SNRPD1: variants seen among roughly 807,000 people sequenced by gnomAD.
SNRPD1 encodes small nuclear ribonucleoprotein D1 polypeptide.
SNRPD1 carries 1 observed loss-of-function variant against 14.4 expected under a neutral mutation model. The ratio of observed to expected loss-of-function variants is 0.07; its 90% CI spans 0.02 to 0.33. SNRPD1 has a LOEUF of 0.33. Ranked by LOEUF, SNRPD1 falls within the 10% of genes least tolerant of loss-of-function variation. The pLI is 1.00. For synonymous variants in SNRPD1, 42 were observed against 50.3 expected (o/e 0.83, Z 0.70); for missense variants, 52 against 146.4 (o/e 0.36, Z 3.33).
At chr18:21,627,476 G>T (rs1268169845) in intron 3 of SNRPD1, among the ~76,000 whole-genome samples, 2 of 108,558 alleles carry the variant, frequency 1.8e-5, no homozygotes, top group Non-Finnish European at 3.4e-5. Context: ...GTCATGCTCT[G>T]TTGCCCAGGC....
At chr18:21,621,426 AGTCTTGCCCT>A (rs761501658) in intron 1 of SNRPD1, among the ~76,000 whole-genome samples, 77 of 152,162 alleles carry the variant, frequency 5.1e-4, no homozygotes, top group Admixed American at 2.5e-3. Context: ...TGTGAGATGG[AGTCTTGCCCT>A]GTCACTCAGG....
chr18:21,621,685 C>T (rs1347210649), intron 1 of SNRPD1, among the ~76,000 whole-genome samples: 1 of 152,128 alleles, frequency 6.6e-6, no homozygotes, highest in African/African-American at 2.4e-5. Flanking sequence ...TTAAGCGATT[C>T]TCCTGCCTCA....
In SNRPD1 at chr18:21,630,812, A is replaced by G. The variant is rs188521147; in HGVS notation, c.*1674A>G. On this transcript the variant is annotated 3_prime_UTR_variant, in exon 4 of 4. Coordinates refer to ENST00000300413, the MANE Select transcript of SNRPD1 (RefSeq NM_006938.4). ...TATGTATTTATATATATATGTATTT[A>G]TACTAATATATAAATATATACTAAT... 24 of 148,332 alleles carry G rather than the reference A, an allele frequency of 1.6e-4. No homozygotes were observed. The highest frequency in any genetic ancestry group is 1.3e-3 in the Admixed American group (19 of 14,780). The allele number at this position is 148,332 out of a possible 1,614,324, so 9.2% of individuals were successfully genotyped here. A position where few individuals can be genotyped will look rare whatever the true frequency, so the allele number is the denominator to read the frequency against.
chr18:21,614,638 T>G (rs2038944583), intron 1 of SNRPD1, among the ~76,000 whole-genome samples: 1 of 152,226 alleles, frequency 6.6e-6, no homozygotes, highest in Non-Finnish European at 1.5e-5. Flanking sequence ...TTTTCTCTCC[T>G]GATGTCCTTG....
chr18:21,617,460 A>C (rs1047468506), intron 1 of SNRPD1, among the ~76,000 whole-genome samples: 1 of 152,172 alleles, frequency 6.6e-6, no homozygotes, highest in Admixed American at 6.6e-5. Flanking sequence ...TTTAACTTGT[A>C]TATGTACTGC....
chr18:21,616,908 G>C (rs549737485), intron 1 of SNRPD1, among the ~76,000 whole-genome samples: 1 of 150,244 alleles, frequency 6.7e-6, no homozygotes, highest in African/African-American at 2.5e-5. Flanking sequence ...GGCTGGTCTC[G>C]ATCTCCTGAC....
chr18:21,614,391 G>T (rs943999854), intron 1 of SNRPD1, among the ~76,000 whole-genome samples: 2 of 152,150 alleles, frequency 1.3e-5, no homozygotes, highest in African/African-American at 4.8e-5. Context: ...GATACTGCAT[G>T]TTATGACAAT....
intron 1 of SNRPD1, among the ~76,000 whole-genome samples, chr18:21,615,880 A>G (rs78031680): frequency 0.024 from 3,676 of 152,272 alleles, 155 homozygotes; most frequent in African/African-American, 0.083. Flanking sequence ...TAGAATAACA[A>G]TTGGTCCACA....
chr18:21,615,554 A>G (rs570982573), intron 1 of SNRPD1, among the ~76,000 whole-genome samples: 183 of 151,944 alleles, frequency 1.2e-3, no homozygotes, highest in African/African-American at 4.1e-3. Context: ...GGAGGTGGAG[A>G]TTGCAGTGAG....
chr18:21,616,467 C>T (rs928754898), intron 1 of SNRPD1, among the ~76,000 whole-genome samples: 10 of 152,082 alleles, frequency 6.6e-5, no homozygotes, highest in African/African-American at 2.4e-4. Context: ...AAGCGATTCT[C>T]CTACCTCAGC....
Position 21,630,065 on chromosome 18 carries a change from G to C in SNRPD1, c.*927G>C, listed in dbSNP as rs1024716241. 1 of 152,024 alleles carries C rather than the reference G, an allele frequency of 6.6e-6. No homozygotes were observed. Among genetic ancestry groups the C allele is most frequent in the Non-Finnish European group, 1.5e-5 (1 of 68,012 alleles). 9.4% of individuals were successfully genotyped at this position (152,024 alleles called of 1,614,324 possible). A position where few individuals can be genotyped will look rare whatever the true frequency, so the allele number is the denominator to read the frequency against. Reference sequence around the variant, plus strand: ...TTTTGTTTCTTTTGCTTTTTAATCAGTTCTTAATAGGATATAGTTTTATGT... The same window carrying C: ...TTTTGTTTCTTTTGCTTTTTAATCACTTCTTAATAGGATATAGTTTTATGT... On this transcript the variant is annotated 3_prime_UTR_variant, in exon 4 of 4. Transcript: ENST00000300413.
At position 21,613,582 on chromosome 18, in the gene SNRPD1, C is replaced by T. The variant is rs377526366; in HGVS notation, c.14+1139C>T. ...TTCAACACTCAGGGAGGAGGCCAGG[C>T]GCAGTGGCTCACGTCTGTAATCCCA... On this transcript the variant is annotated intron_variant, in intron 1 of 3. Coordinates refer to ENST00000300413, the MANE Select transcript of SNRPD1 (RefSeq NM_006938.4). 1.3e-4 allele frequency among the ~76,000 whole-genome samples: 20 copies of T among 152,238 alleles called. 1 individual carries two copies. In the South Asian group the frequency reaches 1.9e-3, roughly 14 times the overall value.
chr18:21,626,560 G>T (rs555383921), intron 3 of SNRPD1, among the ~76,000 whole-genome samples: 86 of 152,082 alleles, frequency 5.7e-4, no homozygotes, highest in African/African-American at 1.9e-3. Flanking sequence ...AGAGGCTGAG[G>T]CAGCTGGATC....
chr18:21,633,337 C>T lies in SNRPD1; in HGVS notation c.*4199C>T, dbSNP rs1297466923. The T allele has an allele frequency of 6.6e-6, 1 of 152,086 alleles. No individual in the cohort carries two copies. The highest frequency in any genetic ancestry group is 2.4e-5 in the African/African-American group (1 of 41,404). The allele number at this position is 152,086 out of a possible 1,614,324, so 9.4% of individuals were successfully genotyped here. ...CCTATAATAGATATCATACATATAACATTTAATAACATACAGTTCTTGTTC... is the reference window on the plus strand; with the variant it reads ...CCTATAATAGATATCATACATATAATATTTAATAACATACAGTTCTTGTTC... On this transcript the variant is annotated 3_prime_UTR_variant, in exon 4 of 4. Coordinates refer to ENST00000300413, the MANE Select transcript of SNRPD1 (RefSeq NM_006938.4).
rs1241851434 is a variant in SNRPD1 at position 21,631,371 on chromosome 18, T to C, written c.*2233T>C. ...TAAGACAATTCTTTAATAGTAAATATATTAAAGGTGAGTTGGCTTGACAAG... is the reference window on the plus strand; with the variant it reads ...TAAGACAATTCTTTAATAGTAAATACATTAAAGGTGAGTTGGCTTGACAAG... On this transcript the variant is annotated 3_prime_UTR_variant, in exon 4 of 4. Transcript: ENST00000300413. 1 of 148,926 alleles carries C rather than the reference T, an allele frequency of 6.7e-6. No homozygotes were observed. Among genetic ancestry groups the C allele is most frequent in the Non-Finnish European group, 1.5e-5 (1 of 67,548 alleles). 9.2% of individuals were successfully genotyped at this position (148,926 alleles called of 1,614,324 possible). A position where few individuals can be genotyped will look rare whatever the true frequency, so the allele number is the denominator to read the frequency against.
chr18:21,626,529 G>A lies in SNRPD1; in HGVS notation c.284-2533G>A, dbSNP rs538805233. ...GTTTGGGCCAGGTGTGGTGGCTCAC[G>A]CCTGTAATCCCAGCACTTTCAGAGG... On this transcript the variant is annotated intron_variant, in intron 3 of 3. Transcript: ENST00000300413. 3.5e-4 allele frequency among the ~76,000 whole-genome samples: 53 copies of A among 151,828 alleles called. No individual in the cohort carries two copies. The East Asian group carries it at 7.4e-3, about 21-fold the overall frequency.
At chr18:21,613,854 C>CA (rs56863125) in intron 1 of SNRPD1, among the ~76,000 whole-genome samples, 18,553 of 57,900 alleles carry the variant, frequency 0.32, 3,627 homozygotes, top group Non-Finnish European at 0.37. Flanking sequence ...GACTCCATCT[C>CA]AAAAAAAAAA....
chr18:21,620,182 C>G (rs893390381), intron 1 of SNRPD1, among the ~76,000 whole-genome samples: 1 of 152,132 alleles, frequency 6.6e-6, no homozygotes, highest in Non-Finnish European at 1.5e-5. Context: ...TCTCCAACTC[C>G]TGACATTGTG....
At chr18:21,624,352 C>G (rs1331183794) in intron 3 of SNRPD1, among the ~76,000 whole-genome samples, 2 of 149,698 alleles carry the variant, frequency 1.3e-5, no homozygotes, top group African/African-American at 4.9e-5. Flanking sequence ...GCACTCCAGC[C>G]TGGGTGACAG....
Sources: allele counts gnomAD v4.1 joint callset (sites outside exome capture counted in the v4.1 genomes callset), GRCh38; gene constraint gnomAD v4.1.1; transcripts MANE v1.5; gene names NCBI Gene and HGNC (gene_info 2026-07-23, HGNC 2026-07-21).